The following SIRT2 variants were observed in gnomAD, a reference collection of about 807,000 sequenced individuals.
SIRT2 encodes the protein sirtuin 2, also known as NAD-dependent protein deacetylase sirtuin-2.
Under a neutral mutation model 57.4 loss-of-function variants are expected in SIRT2, and 40 were observed. That is an observed-to-expected ratio of 0.70 (90% CI 0.54 to 0.91). The LOEUF (loss-of-function observed/expected upper bound fraction) is 0.91. Ranked by LOEUF, SIRT2 falls within the 40% of genes least tolerant of loss-of-function variation. The probability of loss-of-function intolerance (pLI) is 0.00; values close to 1 mark genes in which losing one functional copy is unlikely to be tolerated. For synonymous variants in SIRT2, 161 were observed against 195.7 expected (o/e 0.82, Z 1.48); for missense variants, 439 against 510.4 (o/e 0.86, Z 1.35).
At chr19:38,892,411 AAAAG>A (rs1973570032) in intron 4 of SIRT2, among the ~76,000 whole-genome samples, 1 of 151,858 alleles carries the variant, frequency 6.6e-6, no homozygotes, top group African/African-American at 2.4e-5. Flanking sequence ...AAAAAAAAGA[AAAAG>A]AAATATAAAT....
At position 38,883,733 on chromosome 19, in the gene SIRT2, T is replaced by C; in HGVS notation, c.525A>G (p.Ile175Met). 1 of 1,614,036 alleles carries C rather than the reference T, an allele frequency of 6.2e-7. No homozygotes were observed. The highest frequency in any genetic ancestry group is 8.5e-7 in the Non-Finnish European group (1 of 1,179,948). Residue 175 changes from isoleucine (I) to methionine (M), a missense_variant, in exon 9 of 16, where the codon ATA becomes ATG. Physicochemically the swap from Ile to Met is conservative, Grantham distance 10 (BLOSUM62 1). Coordinates refer to ENST00000249396, the MANE Select transcript of SIRT2 (RefSeq NM_012237.4). ...YTQNIDTLER[I>M]AGLEQEDLVE... ...CCAAGTCCTCCTGTTCCAGCCCGGCTATTCGCTCCAGGGTATCTATGTTCT... is the reference window on the plus strand; with the variant it reads ...CCAAGTCCTCCTGTTCCAGCCCGGCCATTCGCTCCAGGGTATCTATGTTCT...
At chr19:38,887,294 T>C (rs1456591278) in intron 8 of SIRT2, among the ~76,000 whole-genome samples, 1 of 152,122 alleles carries the variant, frequency 6.6e-6, no homozygotes, top group Non-Finnish European at 1.5e-5. Context: ...TCAGTGAACA[T>C]TTACTTTGAC....
At chr19:38,889,373 G>A (rs2144687924) in intron 7 of SIRT2, 2 of 713,772 alleles carry the variant, frequency 2.8e-6, no homozygotes, top group Non-Finnish European at 5.2e-6. Context: ...CGGTGGGTAA[G>A]CTGCAGAGCT....
In SIRT2 at chr19:38,879,153, T is replaced by C. The variant is rs1973036568; in HGVS notation, c.*2A>G. The C allele has an allele frequency of 6.4e-7, 1 of 1,565,182 alleles. No individual in the cohort carries two copies. Among genetic ancestry groups the C allele is most frequent in the African/African-American group, 1.4e-5 (1 of 72,030 alleles). ...CGGCATCCCGCCTGGGAGATGCAGCTGTCACTGGGGTTTCTCCCTCTCTGT... is the reference window on the plus strand; with the variant it reads ...CGGCATCCCGCCTGGGAGATGCAGCCGTCACTGGGGTTTCTCCCTCTCTGT... On this transcript the variant is annotated 3_prime_UTR_variant, in exon 16 of 16. Transcript: ENST00000249396.
Position 38,879,109 on chromosome 19 carries a change from C to T in SIRT2, c.*46G>A. The T allele has an allele frequency of 6.6e-7, 1 of 1,521,464 alleles. No homozygotes were observed. Among genetic ancestry groups the T allele is most frequent in the Non-Finnish European group, 8.8e-7 (1 of 1,140,284 alleles). 94.2% of individuals were successfully genotyped at this position (1,521,464 alleles called of 1,614,324 possible). A position where few individuals can be genotyped will look rare whatever the true frequency, so the allele number is the denominator to read the frequency against. On this transcript the variant is annotated 3_prime_UTR_variant, in exon 16 of 16. Transcript: ENST00000249396. ...GAGGGGGCCAGGCCCGGTTGGGGCT[C>T]AGCTGTCCCTGAGGAGCTCGGCATC...
At chr19:38,899,376 C>T in intron 1 of SIRT2, 130 bp downstream of exon 1, 1 of 1,014,234 alleles carries the variant, frequency 9.9e-7, no homozygotes, top group South Asian at 1.4e-5. Flanking sequence ...AAGCAACAGC[C>T]CTCAGAATCC....
At chr19:38,891,777 C>G in intron 4 of SIRT2, 1 of 433,234 alleles carries the variant, frequency 2.3e-6, no homozygotes, top group South Asian at 1.6e-5. Context: ...TCCTGGGCAC[C>G]CTCATGAGCC....
intron 4 of SIRT2, 142 bp downstream of exon 4, chr19:38,893,272 T>C: frequency 1.6e-6 from 1 of 637,266 alleles, no homozygotes; most frequent in Non-Finnish European, 2.8e-6. Flanking sequence ...AACACACTCC[T>C]TTTTGGCTTA....
At chr19:38,897,332 G>A (rs2144706972) in intron 2 of SIRT2, among the ~76,000 whole-genome samples, 1 of 152,262 alleles carries the variant, frequency 6.6e-6, no homozygotes, top group Non-Finnish European at 1.5e-5. Context: ...AGCGATACCT[G>A]TTGTGTGGAT....
intron 4 of SIRT2, among the ~76,000 whole-genome samples, chr19:38,891,420 G>A (rs1025474191): frequency 2.6e-4 from 40 of 152,178 alleles, no homozygotes; most frequent in African/African-American, 7.5e-4. Context: ...GTGGTGGCAC[G>A]CGCCTGTAAT....
intron 8 of SIRT2, among the ~76,000 whole-genome samples, chr19:38,888,871 C>T (rs539910958): frequency 1.5e-4 from 23 of 152,198 alleles, no homozygotes; most frequent in South Asian, 1.2e-3. Context: ...AGAGGGCAAA[C>T]CTTTTCTGGC....
At position 38,879,257 on chromosome 19, in the gene SIRT2, C is replaced by T. The variant is rs150922596; in HGVS notation, c.1068G>A (p.Ser356=). ...TGCTGGGGTTGGGGACCCCCGCCCC[C>T]GACTGGGCATCTATGCTGGCGTGCT... ...RREHASIDAQ[S]GAGVPNPSTS... The change falls in exon 16 of 16, where the codon TCG becomes TCA. Residue 356 remains serine (S), a synonymous_variant. Coordinates refer to ENST00000249396, the MANE Select transcript of SIRT2 (RefSeq NM_012237.4). 50 of 1,605,472 alleles carry T rather than the reference C, an allele frequency of 3.1e-5. No individual in the cohort carries two copies. The highest frequency in any genetic ancestry group is 8.1e-5 in the African/African-American group (6 of 74,524).
At chr19:38,894,637 G>A (rs1387007799) in intron 2 of SIRT2, among the ~76,000 whole-genome samples, 1 of 152,088 alleles carries the variant, frequency 6.6e-6, no homozygotes, top group Non-Finnish European at 1.5e-5. Context: ...CTCTGGGAAT[G>A]ATTCCAATGC....
At chr19:38,891,409 C>A (rs553948770) in intron 4 of SIRT2, among the ~76,000 whole-genome samples, 1 of 152,046 alleles carries the variant, frequency 6.6e-6, no homozygotes, top group Non-Finnish European at 1.5e-5. Flanking sequence ...ATTAGCCGGG[C>A]GTGGTGGCAC....
intron 8 of SIRT2, among the ~76,000 whole-genome samples, chr19:38,888,448 A>G (rs1973412109): frequency 6.6e-6 from 1 of 152,200 alleles, no homozygotes; most frequent in South Asian, 2.1e-4. Flanking sequence ...CTGGGATTAC[A>G]GGTGTGAGCC....
chr19:38,883,078 T>G (rs1221417562), intron 9 of SIRT2, among the ~76,000 whole-genome samples: 2 of 147,054 alleles, frequency 1.4e-5, no homozygotes, highest in Admixed American at 6.7e-5. Context: ...ACTTCTTGTT[T>G]TTTTTTTTTT....
intron 2 of SIRT2, among the ~76,000 whole-genome samples, chr19:38,897,222 C>T (rs1302806031): frequency 2.0e-5 from 3 of 152,138 alleles, no homozygotes; most frequent in African/African-American, 4.8e-5. Flanking sequence ...TTTAGTAAGC[C>T]GTCAGTAAAT....
At chr19:38,889,569 G>T in intron 7 of SIRT2, 120 bp downstream of exon 7, 1 of 1,137,848 alleles carries the variant, frequency 8.8e-7, no homozygotes, top group African/African-American at 1.5e-5. Context: ...GGCAGTCTGG[G>T]CCCAGCACCC....
Position 38,893,823 on chromosome 19 carries a change from T to A in SIRT2, c.108A>T (p.Ala36=). 6.2e-7 allele frequency: 1 copy of A among 1,614,050 alleles called. No homozygotes were observed. The highest frequency in any genetic ancestry group is 8.5e-7 in the Non-Finnish European group (1 of 1,179,996). Residue 36 remains alanine (A), a synonymous_variant, in exon 3 of 16, where the codon GCA becomes GCT. Coordinates refer to ENST00000249396, the MANE Select transcript of SIRT2 (RefSeq NM_012237.4). ...TCCCTCCAGGAAGATACTCACTGTC[T>A]GCTTCTCCACCAGCGGCTCCTCCCT... The part of the protein sequence containing the change: ...DSEGGAAGGE[A]DMDFLRNLFS...
Sources: allele counts gnomAD v4.1 joint callset (sites outside exome capture counted in the v4.1 genomes callset), GRCh38; gene constraint gnomAD v4.1.1; transcripts MANE v1.5; gene names NCBI Gene and HGNC (gene_info 2026-07-23, HGNC 2026-07-21).